PTCHD4: variants seen among roughly 807,000 people sequenced by gnomAD.
The protein encoded by PTCHD4 is patched domain-containing protein 4.
PTCHD4 carries 33 observed loss-of-function variants against 58.1 expected under a neutral mutation model. That is an observed-to-expected ratio of 0.57 (90% CI 0.43 to 0.76). The LOEUF is 0.76. Ranked by LOEUF, PTCHD4 falls within the 30% of genes least tolerant of loss-of-function variation. PTCHD4 has a pLI of 0.00. For synonymous variants in PTCHD4, 478 were observed against 409.6 expected (o/e 1.17, Z -2.02); for missense variants, 1,058 against 1,027.1 (o/e 1.03, Z -0.41).
intron 4 of PTCHD4, among the ~76,000 whole-genome samples, chr6:47,980,022 A>C (rs12205505): frequency 6.6e-6 from 1 of 151,898 alleles, no homozygotes; most frequent in African/African-American, 2.4e-5. Context: ...CATTCATCAA[A>C]ATGGACACAC....
intron 4 of PTCHD4, among the ~76,000 whole-genome samples, chr6:47,905,269 C>A (rs995394683): frequency 6.6e-6 from 1 of 152,100 alleles, no homozygotes; most frequent in Non-Finnish European, 1.5e-5. Context: ...TTATATACCA[C>A]TCTGGCTGCA....
At chr6:47,896,965 T>A (rs1764545557) in intron 4 of PTCHD4, among the ~76,000 whole-genome samples, 1 of 152,188 alleles carries the variant, frequency 6.6e-6, no homozygotes. Context: ...TGTCTTGCCA[T>A]CATTACTGTA....
At chr6:47,936,779 A>C (rs2113916290) in intron 4 of PTCHD4, among the ~76,000 whole-genome samples, 1 of 152,330 alleles carries the variant, frequency 6.6e-6, no homozygotes, top group South Asian at 2.1e-4. Flanking sequence ...AAAAAAGGAT[A>C]AGAAATAATA....
chr6:47,967,630 ACAT>A (rs1318974939), intron 4 of PTCHD4, among the ~76,000 whole-genome samples: 1 of 152,206 alleles, frequency 6.6e-6, no homozygotes, highest in Non-Finnish European at 1.5e-5. Flanking sequence ...CCACCTTGGT[ACAT>A]CATATTAGCC....
rs552245888 is a variant in PTCHD4 at position 47,867,809 on chromosome 6, A to G, written c.*10494T>C. ...CAAATTTCCTCAACAGATCATGCAT[A>G]CCTCAAAGTCAGGAACTATGAATAG... is the stretch of plus-strand genomic sequence containing the variant. On this transcript the variant is annotated 3_prime_UTR_variant, in exon 5 of 5. Transcript: ENST00000339488. Among the ~76,000 whole-genome samples, 1 of 151,830 alleles carries G rather than the reference A, an allele frequency of 6.6e-6. No homozygotes were observed. Among genetic ancestry groups the G allele is most frequent in the South Asian group, 2.1e-4 (1 of 4,826 alleles).
At chr6:47,957,331 T>C (rs1401300033) in intron 4 of PTCHD4, among the ~76,000 whole-genome samples, 1 of 149,126 alleles carries the variant, frequency 6.7e-6, no homozygotes, top group Non-Finnish European at 1.5e-5. Flanking sequence ...AATCCCACTT[T>C]GAGACTTATT....
intron 3 of PTCHD4, among the ~76,000 whole-genome samples, chr6:48,064,065 C>A (rs528068091): frequency 6.6e-6 from 1 of 152,288 alleles, no homozygotes; most frequent in African/African-American, 2.4e-5. Flanking sequence ...ATACTGATTT[C>A]ACTTTAACAT....
intron 3 of PTCHD4, among the ~76,000 whole-genome samples, chr6:48,011,869 G>T (rs776151752): frequency 8.5e-5 from 13 of 152,158 alleles, no homozygotes; most frequent in Non-Finnish European, 8.8e-5. Flanking sequence ...GTTTGTCAAA[G>T]ATTAGATGGT....
rs889378429 is a variant in PTCHD4 at position 47,866,058 on chromosome 6, A to G, written c.*12245T>C. ...ATCTTAAGTGCTATCTTAATGCAAC[A>G]CACTCATACCAGGTTTGGCTCTACT... On this transcript the variant is annotated 3_prime_UTR_variant, in exon 5 of 5. Coordinates refer to ENST00000339488, the MANE Select transcript of PTCHD4 (RefSeq NM_001384253.1). Among the ~76,000 whole-genome samples the G allele has an allele frequency of 2.0e-5, 3 of 151,908 alleles. No homozygotes were observed. The highest frequency in any genetic ancestry group is 7.2e-5 in the African/African-American group (3 of 41,412).
At chr6:47,899,339 T>C (rs1764626059) in intron 4 of PTCHD4, among the ~76,000 whole-genome samples, 1 of 152,208 alleles carries the variant, frequency 6.6e-6, no homozygotes, top group Non-Finnish European at 1.5e-5. Context: ...TAGGACATGT[T>C]TTTGACAGAT....
rs151018847 is a variant in PTCHD4 at position 47,924,034 on chromosome 6, A to G, written c.899-44098T>C. On this transcript the variant is annotated intron_variant, in intron 4 of 4. Transcript: ENST00000339488. ...CCCTTGACATTTCCAGTTCTTATTGACACTGCCCTAAATATTTCTACCTGT... is the reference window on the plus strand; with the variant it reads ...CCCTTGACATTTCCAGTTCTTATTGGCACTGCCCTAAATATTTCTACCTGT... Among the ~76,000 whole-genome samples the G allele has an allele frequency of 1.9e-3, 289 of 152,278 alleles. 2 individuals carry two copies. The highest frequency in any genetic ancestry group is 6.5e-3 in the African/African-American group (269 of 41,564).
chr6:48,000,382 C>T (rs888021392), intron 4 of PTCHD4, among the ~76,000 whole-genome samples: 14 of 152,118 alleles, frequency 9.2e-5, no homozygotes, highest in Admixed American at 9.2e-4. Flanking sequence ...CAACTCAACA[C>T]CTACTTAATT....
At chr6:48,106,310 T>C (rs1765722078) in intron 1 of PTCHD4, among the ~76,000 whole-genome samples, 1 of 152,148 alleles carries the variant, frequency 6.6e-6, no homozygotes, top group South Asian at 2.1e-4. Flanking sequence ...CGAAAATCAA[T>C]AGACGTAATC....
chr6:47,980,632 A>C (rs867964125), intron 4 of PTCHD4, among the ~76,000 whole-genome samples: 62 of 152,094 alleles, frequency 4.1e-4, no homozygotes, highest in South Asian at 8.3e-4. Flanking sequence ...AGTTCCTCAA[A>C]ATAAATGATT....
intron 1 of PTCHD4, among the ~76,000 whole-genome samples, chr6:48,105,004 G>A (rs1312473270): frequency 6.6e-6 from 1 of 152,146 alleles, no homozygotes; most frequent in East Asian, 1.9e-4. Flanking sequence ...ATAATAATGG[G>A]AGACTTTAAC....
intron 1 of PTCHD4, among the ~76,000 whole-genome samples, chr6:48,104,810 G>T (rs1039823225): frequency 3.0e-4 from 46 of 152,002 alleles, no homozygotes; most frequent in East Asian, 1.9e-4. Flanking sequence ...TCCTAGTCTC[G>T]GATAAAACAG....
At chr6:47,914,812 T>G (rs12209128) in intron 4 of PTCHD4, among the ~76,000 whole-genome samples, 88,083 of 150,844 alleles carry the variant, frequency 0.58, 26,593 homozygotes, top group East Asian at 0.78. Context: ...TCTCCTGTTG[T>G]TTCTTTTCTT....
At chr6:47,965,254 AAACT>A (rs1184290279) in intron 4 of PTCHD4, among the ~76,000 whole-genome samples, 1 of 152,240 alleles carries the variant, frequency 6.6e-6, no homozygotes, top group African/African-American at 2.4e-5. Flanking sequence ...TTTTTAACTG[AAACT>A]AACTAGAATA....
At position 48,079,761 on chromosome 6, in the gene PTCHD4, G is replaced by A. The variant is rs1230110553; in HGVS notation, c.-969-9835C>T. 2.6e-5 allele frequency among the ~76,000 whole-genome samples: 4 copies of A among 151,380 alleles called. No homozygotes were observed. The East Asian group carries it at 7.8e-4, about 29-fold the overall frequency. On this transcript the variant is annotated intron_variant, in intron 1 of 4. Coordinates refer to ENST00000339488, the MANE Select transcript of PTCHD4 (RefSeq NM_001384253.1). ...CCAGTGCTATTATTGCCTATACCTGGGGTGGAGTGCTTCCACCTCTCCACC... is the reference window on the plus strand; with the variant it reads ...CCAGTGCTATTATTGCCTATACCTGAGGTGGAGTGCTTCCACCTCTCCACC...
Sources: gnomAD v4.1 joint callset for allele counts (sites outside exome capture counted in the v4.1 genomes callset) on GRCh38, gnomAD v4.1.1 for gene constraint, MANE v1.5 for transcripts, NCBI Gene and HGNC (gene_info 2026-07-23, HGNC 2026-07-21) for gene names.